Variants in QTMAN observed in about 807,000 individuals in gnomAD.
QTMAN encodes tRNA-queuosine alpha-mannosyltransferase.
the QTMAN span, among the ~76,000 whole-genome samples, chr2:143,997,624 C>T: frequency 6.6e-6 from 1 of 151,986 alleles, no homozygotes. Flanking sequence ...ATTTTAATAC[C>T]CTTTTTACTC....
the QTMAN span, among the ~76,000 whole-genome samples, chr2:144,280,287 C>T: frequency 6.6e-6 from 1 of 152,030 alleles, no homozygotes; most frequent in Non-Finnish European, 1.5e-5. Flanking sequence ...ATGACAAATC[C>T]ACCCATATAC....
the QTMAN span, among the ~76,000 whole-genome samples, chr2:144,237,955 C>T: frequency 6.6e-6 from 1 of 152,208 alleles, no homozygotes; most frequent in African/African-American, 2.4e-5. Context: ...ATCAACATAA[C>T]AGCCATGTGA....
chr2:144,141,588 C>CAA, the QTMAN span, among the ~76,000 whole-genome samples: 2 of 81,724 alleles, frequency 2.4e-5, no homozygotes, highest in Non-Finnish European at 5.3e-5. Flanking sequence ...ACTTCTGTAA[C>CAA]AAAAAAAAAA....
the QTMAN span, among the ~76,000 whole-genome samples, chr2:144,223,314 C>T: frequency 3.9e-5 from 6 of 151,920 alleles, no homozygotes; most frequent in African/African-American, 1.4e-4. Context: ...AAACTAGACA[C>T]AATCTTATTT....
At chr2:144,052,992 TC>T in the QTMAN span, among the ~76,000 whole-genome samples, 1 of 152,176 alleles carries the variant, frequency 6.6e-6, no homozygotes, top group African/African-American at 2.4e-5. Flanking sequence ...CAGGAGGTGA[TC>T]CTGGTCATGC....
the QTMAN span, among the ~76,000 whole-genome samples, chr2:144,252,005 A>G: frequency 1.3e-5 from 2 of 151,968 alleles, no homozygotes; most frequent in South Asian, 2.1e-4. Flanking sequence ...AGACCAGCCT[A>G]GGCAACACAG....
the QTMAN span, among the ~76,000 whole-genome samples, chr2:143,994,387 T>A: frequency 1.6e-4 from 24 of 152,166 alleles, no homozygotes; most frequent in Non-Finnish European, 2.9e-4. Flanking sequence ...CACTGCTAGG[T>A]ATCTAACCCC....
At chr2:144,251,185 T>C in the QTMAN span, among the ~76,000 whole-genome samples, 3 of 152,174 alleles carry the variant, frequency 2.0e-5, no homozygotes, top group East Asian at 5.8e-4. Flanking sequence ...TAATGTATTT[T>C]TTAAAAAACA....
the QTMAN span, among the ~76,000 whole-genome samples, chr2:144,300,428 A>C: frequency 3.3e-5 from 5 of 152,330 alleles, no homozygotes; most frequent in Admixed American, 6.5e-5. Flanking sequence ...CTAAATACAC[A>C]GCCCAAAGAA....
chr2:143,982,836 T>A, the QTMAN span, among the ~76,000 whole-genome samples: 2 of 132,558 alleles, frequency 1.5e-5, no homozygotes, highest in African/African-American at 5.8e-5. Context: ...CCTGTGGGGC[T>A]GAGCAAGACT....
the QTMAN span, among the ~76,000 whole-genome samples, chr2:144,274,379 T>C: frequency 8.5e-5 from 13 of 152,334 alleles, no homozygotes; most frequent in Non-Finnish European, 1.8e-4. Flanking sequence ...AATGAGGTGA[T>C]TCTTACTAGG....
At chr2:144,010,028 A>G in the QTMAN span, among the ~76,000 whole-genome samples, 1 of 151,256 alleles carries the variant, frequency 6.6e-6, no homozygotes, top group Non-Finnish European at 1.5e-5. Flanking sequence ...AAGGATTTTA[A>G]CAGAATCACA....
chr2:144,068,324 GA>G, the QTMAN span, among the ~76,000 whole-genome samples: 8 of 151,836 alleles, frequency 5.3e-5, no homozygotes, highest in Admixed American at 1.3e-4. Context: ...AATGAAACTT[GA>G]AAAAAATGAT....
the QTMAN span, among the ~76,000 whole-genome samples, chr2:144,129,057 A>G: frequency 6.6e-6 from 1 of 151,764 alleles, no homozygotes; most frequent in Non-Finnish European, 1.5e-5. Context: ...TCCCTCTTCA[A>G]TTAATGGAAA....
chr2:144,063,722 T>A, the QTMAN span, among the ~76,000 whole-genome samples: 1 of 152,192 alleles, frequency 6.6e-6, no homozygotes, highest in African/African-American at 2.4e-5. Flanking sequence ...ACTATTTCTA[T>A]ACTTTCAAAA....
chr2:144,054,571 T>G, the QTMAN span, among the ~76,000 whole-genome samples: 1 of 152,184 alleles, frequency 6.6e-6, no homozygotes, highest in Admixed American at 6.5e-5. Context: ...GTTAAAGAGA[T>G]GTGATTTAGT....
At chr2:144,081,269 G>C in the QTMAN span, among the ~76,000 whole-genome samples, 1 of 152,238 alleles carries the variant, frequency 6.6e-6, no homozygotes, top group East Asian at 1.9e-4. Flanking sequence ...TAAGGCGTGG[G>C]AAGGGGGAAA....
the QTMAN span, among the ~76,000 whole-genome samples, chr2:144,193,879 A>G: frequency 2.2e-3 from 332 of 152,222 alleles, 1 homozygote; most frequent in African/African-American, 7.1e-3. Flanking sequence ...TTGATACCAG[A>G]ACTGAAATAG....
the QTMAN span, among the ~76,000 whole-genome samples, chr2:144,034,724 A>G: frequency 6.6e-6 from 1 of 152,168 alleles, no homozygotes. Context: ...GTGGAGTTCA[A>G]TTAAAGTCAA....
Sources: allele counts gnomAD v4.1 joint callset (sites outside exome capture counted in the v4.1 genomes callset), GRCh38; gene constraint gnomAD v4.1.1; transcripts MANE v1.5; gene names NCBI Gene and HGNC (gene_info 2026-07-23, HGNC 2026-07-21).